Variants in LYZL1 observed in about 807,000 individuals in gnomAD.
LYZL1 encodes lysozyme like 1.
A neutral mutation model predicts 17.9 loss-of-function variants in LYZL1; 16 were observed. The observed-to-expected ratio is 0.90, with a 90% CI of 0.61 to 1.36. The LOEUF (loss-of-function observed/expected upper bound fraction) is 1.36, where lower values mean the gene tolerates loss of function less well. Among genes scored for constraint, LYZL1 ranks in the 40% most tolerant of loss-of-function variants. The probability of loss-of-function intolerance (pLI) is 0.00; values close to 1 mark genes in which losing one functional copy is unlikely to be tolerated. For missense variants in LYZL1, 149 were observed against 188.4 expected (o/e 0.79, Z 1.22); for synonymous variants, 58 against 71.8 (o/e 0.81, Z 0.97).
intron 3 of LYZL1, among the ~76,000 whole-genome samples, chr10:29,307,912 C>T (rs192597605): frequency 2.6e-3 from 391 of 152,238 alleles, no homozygotes; most frequent in African/African-American, 9.2e-3. Context: ...ATGTTGGTTT[C>T]CTAAGACGTT....
intron 3 of LYZL1, among the ~76,000 whole-genome samples, chr10:29,304,268 C>T (rs1191018247): frequency 1.3e-5 from 2 of 152,032 alleles, no homozygotes; most frequent in African/African-American, 2.4e-5. Flanking sequence ...CAGTATTTAC[C>T]CCCAACAGCA....
downstream of LYZL1, among the ~76,000 whole-genome samples, chr10:29,314,201 G>T (rs371898210): frequency 1.8e-4 from 27 of 152,250 alleles, no homozygotes; most frequent in East Asian, 2.5e-3. Context: ...TAAAGCTCTT[G>T]CCTCTGAACA....
intron 3 of LYZL1, among the ~76,000 whole-genome samples, chr10:29,300,577 A>G (rs948659322): frequency 1.3e-5 from 2 of 152,128 alleles, no homozygotes; most frequent in Admixed American, 1.3e-4. Flanking sequence ...TGTATTTACT[A>G]TTTCCAATAC....
At chr10:29,293,879 C>T (rs531912544) in intron 3 of LYZL1, among the ~76,000 whole-genome samples, 52 of 151,602 alleles carry the variant, frequency 3.4e-4, no homozygotes, top group African/African-American at 1.2e-3. Flanking sequence ...GAGGCTGAAG[C>T]GGGAGAATTG....
intron 3 of LYZL1, among the ~76,000 whole-genome samples, chr10:29,294,273 T>C (rs942926451): frequency 2.0e-5 from 3 of 152,158 alleles, no homozygotes; most frequent in Non-Finnish European, 4.4e-5. Flanking sequence ...TTCACTGATT[T>C]CTGCCTGCAA....
At chr10:29,307,797 A>C (rs1403722924) in intron 3 of LYZL1, among the ~76,000 whole-genome samples, 1 of 152,204 alleles carries the variant, frequency 6.6e-6, no homozygotes, top group South Asian at 2.1e-4. Context: ...CTTTGTAAAG[A>C]AATATTTGTC....
intron 3 of LYZL1, among the ~76,000 whole-genome samples, chr10:29,308,026 AAAAC>A (rs1835619234): frequency 6.6e-6 from 1 of 152,124 alleles, no homozygotes; most frequent in Non-Finnish European, 1.5e-5. Context: ...AAACAAAAAC[AAAAC>A]AAAACAAAAC....
chr10:29,317,022 C>T (rs893555552), intron 3 of LYZL1, among the ~76,000 whole-genome samples: 2 of 152,128 alleles, frequency 1.3e-5, no homozygotes, highest in South Asian at 2.1e-4. Context: ...CCAGCCTCTT[C>T]CAGGTTTTTT....
downstream of LYZL1, among the ~76,000 whole-genome samples, chr10:29,315,905 C>T (rs187962539): frequency 6.4e-4 from 97 of 152,180 alleles, no homozygotes; most frequent in African/African-American, 2.3e-3. Context: ...GCCAAATAGC[C>T]CCACTCCAGC....
intron 3 of LYZL1, among the ~76,000 whole-genome samples, chr10:29,298,863 T>A (rs987485806): frequency 2.0e-5 from 3 of 152,148 alleles, no homozygotes; most frequent in African/African-American, 7.2e-5. Flanking sequence ...GGGAGGAGGA[T>A]GGTTTCAGGA....
chr10:29,306,802 G>GT (rs1252211523), intron 3 of LYZL1, among the ~76,000 whole-genome samples: 6 of 137,642 alleles, frequency 4.4e-5, no homozygotes, highest in African/African-American at 1.4e-4. Flanking sequence ...ATGTATGTGT[G>GT]TGTGTGTGTG....
At chr10:29,315,691 TAAAAC>T (rs1835722058), downstream of LYZL1, among the ~76,000 whole-genome samples, 1 of 151,126 alleles carries the variant, frequency 6.6e-6, no homozygotes, top group African/African-American at 2.4e-5. Flanking sequence ...CTACAAAAAA[TAAAAC>T]AGATTAGCCG....
chr10:29,315,921 T>G (rs1470991161), downstream of LYZL1, among the ~76,000 whole-genome samples: 16 of 152,078 alleles, frequency 1.1e-4, no homozygotes, highest in East Asian at 2.9e-3. Flanking sequence ...CCAGCCCTGC[T>G]CAGCCCCCCG....
At chr10:29,295,587 G>GTTACC (rs1320199449) in intron 3 of LYZL1, among the ~76,000 whole-genome samples, 1 of 152,156 alleles carries the variant, frequency 6.6e-6, no homozygotes, top group Non-Finnish European at 1.5e-5. Flanking sequence ...CTCTCACTCT[G>GTTACC]TTACCTTACA....
At position 29,289,220 on chromosome 10, in the gene LYZL1, C is replaced by G. The variant is rs1835326474; in HGVS notation, c.-36C>G. 2 of 1,561,528 alleles carry G rather than the reference C, an allele frequency of 1.3e-6. No individual in the cohort carries two copies. Among genetic ancestry groups the G allele is most frequent in the Non-Finnish European group, 1.7e-6 (2 of 1,156,142 alleles). On this transcript the variant is annotated 5_prime_UTR_variant, in exon 1 of 5. In the 5' UTR this introduces an upstream ATG that the reference lacks. Coordinates refer to ENST00000649382, the MANE Select transcript of LYZL1 (RefSeq NM_032517.6). Reference sequence around the variant, plus strand: ...AGCCTCTGGGGCAGGCACCAGGAATCTGCCTTTTCAGTAAGACCTAAATTA... The same window carrying G: ...AGCCTCTGGGGCAGGCACCAGGAATGTGCCTTTTCAGTAAGACCTAAATTA...
chr10:29,292,463 G>A, intron 2 of LYZL1, 56 bp from the exon 3 acceptor site: 4 of 1,595,996 alleles, frequency 2.5e-6, no homozygotes, highest in African/African-American at 1.3e-5. Flanking sequence ...CTCAGACCAA[G>A]CTTAGAGCAA....
At chr10:29,310,049 G>A (rs368954339) in intron 3 of LYZL1, 61 bp from the exon 4 acceptor site, 2 of 1,222,900 alleles carry the variant, frequency 1.6e-6, no homozygotes, top group African/African-American at 3.0e-5. Flanking sequence ...GTAAAGTTGA[G>A]TTGAGGTCCC....
At chr10:29,306,563 A>AG in intron 3 of LYZL1, among the ~76,000 whole-genome samples, 1 of 135,378 alleles carries the variant, frequency 7.4e-6, no homozygotes, top group Non-Finnish European at 1.6e-5. Flanking sequence ...AAAAAAAAAA[A>AG]AAAAAAAAAA....
intron 4 of LYZL1, among the ~76,000 whole-genome samples, chr10:29,317,946 T>TAA (rs397801860): frequency 6.9e-4 from 99 of 143,446 alleles, no homozygotes; most frequent in African/African-American, 1.7e-3. Context: ...CCTGTCTCTT[T>TAA]AAAAAAAAAA....
Sources: gnomAD v4.1 joint callset for allele counts (sites outside exome capture counted in the v4.1 genomes callset) on GRCh38, gnomAD v4.1.1 for gene constraint, MANE v1.5 for transcripts, NCBI Gene and HGNC (gene_info 2026-07-23, HGNC 2026-07-21) for gene names.